Variants in SLCO2B1 observed in about 807,000 individuals in gnomAD.
SLCO2B1 encodes the protein OATP-RP2.
SLCO2B1 carries 41 observed loss-of-function variants against 67.3 expected under a neutral mutation model. The ratio of observed to expected loss-of-function variants is 0.61; its 90% CI spans 0.47 to 0.79. The LOEUF is 0.79. SLCO2B1 is among the 30% of genes least tolerant of loss of function. The probability of loss-of-function intolerance (pLI) is 0.00; values close to 1 mark genes in which losing one functional copy is unlikely to be tolerated. For synonymous variants in SLCO2B1, 379 were observed against 381.4 expected (o/e 0.99, Z 0.07); for missense variants, 837 against 920.1 (o/e 0.91, Z 1.17).
Position 75,200,305 on chromosome 11 carries a change from G to A in SLCO2B1, c.1681G>A (p.Val561Met), listed in dbSNP as rs1397845107. ...CTGCGACTCAACGTGCAGCCATCTG[G>A]TGGTGCCCTTCCTGCTCCTGGTCAG... ...GSCDSTCSHL[V>M]VPFLLLVSLG... Residue 561 changes from valine (V) to methionine (M), a missense_variant, in exon 11 of 14, where the codon GTG becomes ATG. Transcript: ENST00000289575. 2.5e-6 allele frequency: 4 copies of A among 1,613,790 alleles called. No individual in the cohort carries two copies. Among genetic ancestry groups the A allele is most frequent in the Non-Finnish European group, 3.4e-6 (4 of 1,179,994 alleles).
At chr11:75,154,051 G>C (rs545950209) in intron 1 of SLCO2B1, among the ~76,000 whole-genome samples, 12 of 148,796 alleles carry the variant, frequency 8.1e-5, no homozygotes, top group South Asian at 4.4e-4. Flanking sequence ...TCAGCCTCCC[G>C]AGTAGCTGGG....
intron 1 of SLCO2B1, among the ~76,000 whole-genome samples, chr11:75,156,445 A>C (rs192559403): frequency 6.6e-6 from 1 of 152,176 alleles, no homozygotes; most frequent in Non-Finnish European, 1.5e-5. Flanking sequence ...GGGAACCCCA[A>C]GCAACTTTAG....
intron 8 of SLCO2B1, among the ~76,000 whole-genome samples, chr11:75,191,072 G>A (rs917947209): frequency 1.3e-5 from 2 of 152,218 alleles, no homozygotes; most frequent in African/African-American, 4.8e-5. Context: ...ATCAGTGCAG[G>A]AGAATGGACT....
chr11:75,172,316 T>C (rs1036806153), intron 6 of SLCO2B1, 63 bp from the exon 7 acceptor site: 29 of 1,474,976 alleles, frequency 2.0e-5, no homozygotes, highest in Non-Finnish European at 2.7e-5. Flanking sequence ...AGTCCCAGGA[T>C]GGCGGCTTAG....
intron 4 of SLCO2B1, 30 bp downstream of exon 4, chr11:75,165,979 G>C (rs1949886328): frequency 1.9e-6 from 3 of 1,604,476 alleles, no homozygotes; most frequent in Non-Finnish European, 2.6e-6. Flanking sequence ...GGCAGGAGTG[G>C]GACGTTAGCC....
intron 12 of SLCO2B1, 23 bp downstream of exon 12, chr11:75,202,988 T>C (rs1212629133): frequency 1.2e-6 from 2 of 1,606,414 alleles, no homozygotes; most frequent in Non-Finnish European, 1.7e-6. Context: ...CTTGGGACCA[T>C]TGGTGGTGGT....
chr11:75,189,178 G>A (rs1207537217), intron 8 of SLCO2B1, among the ~76,000 whole-genome samples: 1 of 152,160 alleles, frequency 6.6e-6, no homozygotes, highest in Non-Finnish European at 1.5e-5. Flanking sequence ...TTATGACCAG[G>A]CCATTCTTTC....
At chr11:75,190,676 G>A (rs1174633957) in intron 8 of SLCO2B1, among the ~76,000 whole-genome samples, 1 of 152,168 alleles carries the variant, frequency 6.6e-6, no homozygotes, top group East Asian at 1.9e-4. Context: ...GGTTCCTGGG[G>A]GAGACATTGC....
intron 1 of SLCO2B1, among the ~76,000 whole-genome samples, chr11:75,153,476 C>T (rs1949714091): frequency 6.6e-6 from 1 of 152,208 alleles, no homozygotes; most frequent in South Asian, 2.1e-4. Flanking sequence ...AGGGGGCAAG[C>T]AAGGTCCAAG....
chr11:75,206,176 C>G lies in SLCO2B1; in HGVS notation c.*1596C>G, dbSNP rs1299836093. 3 of 152,202 alleles carry G rather than the reference C, an allele frequency of 2.0e-5. No homozygotes were observed. The highest frequency in any genetic ancestry group is 4.4e-5 in the Non-Finnish European group (3 of 68,036). The allele number at this position is 152,202 out of a possible 1,614,324, so 9.4% of individuals were successfully genotyped here. Reference sequence around the variant, plus strand: ...TTAGGATGTTTATATTCCTTCATCCCTCTTGTTTCCCAGGTTTTGCAGGGA... The same window carrying G: ...TTAGGATGTTTATATTCCTTCATCCGTCTTGTTTCCCAGGTTTTGCAGGGA... On this transcript the variant is annotated 3_prime_UTR_variant, in exon 14 of 14. Transcript: ENST00000289575.
rs947487428 is a variant in SLCO2B1 at position 75,193,032 on chromosome 11, GA to G, written c.1076-177del. Among the ~76,000 whole-genome samples the G allele has an allele frequency of 1.8e-4, 27 of 150,396 alleles. No individual in the cohort carries two copies. The highest frequency in any genetic ancestry group is 4.1e-4 in the African/African-American group (17 of 41,004). Reference sequence around the variant, plus strand: ...CACCCCAGCCTGGGCGACAGAGAGAGAAAAAAAAAGGGACTAGAGTAAATGG... The same window carrying G: ...CACCCCAGCCTGGGCGACAGAGAGAGAAAAAAAAGGGACTAGAGTAAATGG... On this transcript the variant is annotated intron_variant, in intron 8 of 13. Coordinates refer to ENST00000289575, the MANE Select transcript of SLCO2B1 (RefSeq NM_007256.5). The surrounding 1 kb of genome is among the most constrained non-coding windows in gnomAD (Gnocchi z 4.2).
chr11:75,203,623 C>T, intron 13 of SLCO2B1, 196 bp downstream of exon 13: 2 of 651,168 alleles, frequency 3.1e-6, no homozygotes, highest in South Asian at 2.0e-5. Flanking sequence ...AGGAAAGTGA[C>T]AGTTAAAGCA....
intron 7 of SLCO2B1, among the ~76,000 whole-genome samples, chr11:75,184,167 A>C (rs1950121660): frequency 6.6e-6 from 1 of 152,132 alleles, no homozygotes. Flanking sequence ...GGCATTGGCT[A>C]TACCCACTTC....
rs1256919669 is a variant in SLCO2B1, at chr11:75,204,362, G to C, written c.1950-38G>C. On this transcript the variant is annotated intron_variant, in intron 13 of 13. Coordinates refer to ENST00000289575, the MANE Select transcript of SLCO2B1 (RefSeq NM_007256.5). Reference sequence around the variant, plus strand: ...CTGCTGACGTCCATGCCCTGGCCTGGCAGCTCTTGAGTTCAAGGGTCCCCA... The same window carrying C: ...CTGCTGACGTCCATGCCCTGGCCTGCCAGCTCTTGAGTTCAAGGGTCCCCA... The C allele has an allele frequency of 1.9e-6, 3 of 1,552,654 alleles. No homozygotes were observed. In the South Asian group the frequency reaches 3.7e-5, roughly 19 times the overall value.
intron 1 of SLCO2B1, among the ~76,000 whole-genome samples, chr11:75,155,762 G>C (rs1350301413): frequency 1.3e-5 from 2 of 152,186 alleles, no homozygotes; most frequent in Non-Finnish European, 1.5e-5. Flanking sequence ...GGCCAGGCGT[G>C]AGCCAGGCCT....
rs1336535228 is a variant in SLCO2B1, at chr11:75,184,645, G to A, written c.973-3491G>A. ...ATGCTTGGAGCAGAGTCTTGGTGAG[G>A]CTGGGAACCTAGGAGCCCAGCCTCC... On this transcript the variant is annotated intron_variant, in intron 7 of 13. Transcript: ENST00000289575. 2.0e-5 allele frequency among the ~76,000 whole-genome samples: 3 copies of A among 152,122 alleles called. No homozygotes were observed. In the South Asian group the frequency reaches 6.2e-4, roughly 32 times the overall value.
At position 75,151,839 on chromosome 11, in the gene SLCO2B1, G is replaced by A. The variant is rs558598724; in HGVS notation, c.16+442G>A. 51 of 171,706 alleles carry A rather than the reference G, an allele frequency of 3.0e-4. No individual in the cohort carries two copies. The South Asian group carries it at 6.5e-3, about 22-fold the overall frequency. 10.6% of individuals were successfully genotyped at this position (171,706 alleles called of 1,614,324 possible). A position where few individuals can be genotyped will look rare whatever the true frequency, so the allele number is the denominator to read the frequency against. On this transcript the variant is annotated intron_variant, in intron 1 of 13. Transcript: ENST00000289575. The stretch of plus-strand genomic sequence containing the variant: ...GAACACAATATCAACAGGTATCAGC[G>A]AGAGAATGCAGGGAAAGGTAGGGAG...
rs759199548 is a variant in SLCO2B1 at position 75,200,179 on chromosome 11, G to A, written c.1600-45G>A. On this transcript the variant is annotated intron_variant, in intron 10 of 13. Coordinates refer to ENST00000289575, the MANE Select transcript of SLCO2B1 (RefSeq NM_007256.5). ...GCTGCAAGCCCTTGGCCAGCTGCCT[G>A]CCCTTGGAGGCTCTTGAAGTCTCTT... 4 of 1,562,498 alleles carry A rather than the reference G, an allele frequency of 2.6e-6. No individual in the cohort carries two copies. The South Asian group carries it at 4.8e-5, about 19-fold the overall frequency.
intron 7 of SLCO2B1, among the ~76,000 whole-genome samples, chr11:75,187,284 C>T (rs888622316): frequency 8.5e-5 from 13 of 152,196 alleles, no homozygotes; most frequent in African/African-American, 3.1e-4. Flanking sequence ...CCCCCTCCCT[C>T]CACACACATG....
Sources: allele counts gnomAD v4.1 joint callset (sites outside exome capture counted in the v4.1 genomes callset), GRCh38; gene constraint gnomAD v4.1.1; non-coding constraint Gnocchi (gnomAD v3.1); transcripts MANE v1.5; gene names NCBI Gene and HGNC (gene_info 2026-07-23, HGNC 2026-07-21).